KDM2A: variants seen among roughly 807,000 people sequenced by gnomAD.
The protein encoded by KDM2A is lysine-specific demethylase 2A.
In KDM2A, 3 loss-of-function variants were observed where a neutral mutation model predicts 137.3. That is an observed-to-expected ratio of 0.02 (90% CI 0.01 to 0.06). The LOEUF is 0.06. Ranked by LOEUF, KDM2A falls within the 10% of genes least tolerant of loss-of-function variation. The pLI is 1.00. For synonymous variants in KDM2A, 512 were observed against 541.5 expected, an observed-to-expected ratio of 0.95 and a Z score of 0.76; for missense variants, 738 against 1,510.6, an observed-to-expected ratio of 0.49 and a Z score of 8.48.
At chr11:67,190,564 A>G (rs1857327376) in intron 5 of KDM2A, among the ~76,000 whole-genome samples, 1 of 152,008 alleles carries the variant, frequency 6.6e-6, no homozygotes, top group South Asian at 2.1e-4. Context: ...GTTTGAGACC[A>G]TCCTGGGCAA....
At chr11:67,252,913 A>G in intron 18 of KDM2A, 56 bp downstream of exon 18, 1 of 1,546,588 alleles carries the variant, frequency 6.5e-7, no homozygotes, top group Non-Finnish European at 8.7e-7. Flanking sequence ...GCGGGCAAGA[A>G]AAGTTGCATT....
chr11:67,242,087 A>T (rs1048874644), intron 12 of KDM2A, among the ~76,000 whole-genome samples: 1 of 152,032 alleles, frequency 6.6e-6, no homozygotes, highest in Non-Finnish European at 1.5e-5. Context: ...AATAAAAATT[A>T]AAAAAAATAT....
chr11:67,217,501 T>C, intron 8 of KDM2A: 1 of 535,808 alleles, frequency 1.9e-6, no homozygotes, highest in Non-Finnish European at 3.4e-6. Context: ...CTGGATGGTG[T>C]ATAGTCAAAC....
chr11:67,167,974 C>G (rs533685613), intron 2 of KDM2A, among the ~76,000 whole-genome samples: 11 of 152,170 alleles, frequency 7.2e-5, no homozygotes, highest in African/African-American at 2.6e-4. Context: ...TTATATAGAT[C>G]AAAAGATAAA....
At chr11:67,237,733 A>C (rs1287054356) in intron 12 of KDM2A, among the ~76,000 whole-genome samples, 1 of 152,152 alleles carries the variant, frequency 6.6e-6, no homozygotes, top group East Asian at 1.9e-4. Flanking sequence ...GGATCACTTA[A>C]GGCCAGGAGT....
At chr11:67,157,208 G>T (rs2136312949) in intron 2 of KDM2A, among the ~76,000 whole-genome samples, 1 of 150,992 alleles carries the variant, frequency 6.6e-6, no homozygotes, top group Non-Finnish European at 1.5e-5. Flanking sequence ...AGCTACTCAG[G>T]AGGCTGAGGC....
intron 11 of KDM2A, among the ~76,000 whole-genome samples, chr11:67,229,535 T>C (rs776327687): frequency 5.3e-5 from 8 of 152,204 alleles, no homozygotes; most frequent in Non-Finnish European, 1.0e-4. Flanking sequence ...AGCATTTTAC[T>C]TTTACTGCAT....
Position 67,255,317 on chromosome 11 carries a change from G to A in KDM2A, c.*262G>A, listed in dbSNP as rs1590836212. On this transcript the variant is annotated 3_prime_UTR_variant, in exon 21 of 21. Coordinates refer to ENST00000529006, the MANE Select transcript of KDM2A (RefSeq NM_012308.3). ...CACAGGCTGTGCTGTCGAGGCGCCT[G>A]CTCGCTTACTCGCCTGCCAGGAGGC... 5.8e-6 allele frequency: 3 copies of A among 516,438 alleles called. No homozygotes were observed. The highest frequency in any genetic ancestry group is 1.9e-5 in the African/African-American group (1 of 52,086). 32.0% of individuals were successfully genotyped at this position (516,438 alleles called of 1,614,324 possible).
At chr11:67,242,166 C>T (rs543606155) in intron 12 of KDM2A, among the ~76,000 whole-genome samples, 4 of 152,222 alleles carry the variant, frequency 2.6e-5, no homozygotes, top group Non-Finnish European at 4.4e-5. Flanking sequence ...TAGCATTGTT[C>T]GTAAGTCATT....
intron 2 of KDM2A, among the ~76,000 whole-genome samples, chr11:67,137,943 A>G (rs1856004433): frequency 6.6e-6 from 1 of 152,090 alleles, no homozygotes; most frequent in Non-Finnish European, 1.5e-5. Context: ...GACTGCAGGC[A>G]TGTACCACCA....
intron 6 of KDM2A, among the ~76,000 whole-genome samples, chr11:67,211,518 G>C (rs1857981796): frequency 6.7e-6 from 1 of 148,552 alleles, no homozygotes; most frequent in South Asian, 2.2e-4. Flanking sequence ...GGAAGTTGAG[G>C]TGGGAGAATC....
intron 5 of KDM2A, among the ~76,000 whole-genome samples, chr11:67,204,906 G>A (rs189094372): frequency 7.9e-5 from 12 of 152,212 alleles, no homozygotes; most frequent in Admixed American, 2.6e-4. Context: ...TTCATATCAT[G>A]GTAAACATTT....
intron 15 of KDM2A, among the ~76,000 whole-genome samples, chr11:67,247,060 TATATA>T (rs1164772750): frequency 4.3e-4 from 14 of 32,936 alleles, no homozygotes; most frequent in African/African-American, 1.5e-3. Flanking sequence ...TATATATATA[TATATA>T]TATATATTTT....
chr11:67,121,219 A>G lies in KDM2A; in HGVS notation c.-83-15A>G, dbSNP rs557030536. ...AGAATGAGTTCTCATTTCTGCTTAT[A>G]TCATTATTCTTTAGTGTTGCAATCT... On this transcript the variant is annotated splice_polypyrimidine_tract_variant and intron_variant, in intron 1 of 20. Coordinates refer to ENST00000529006, the MANE Select transcript of KDM2A (RefSeq NM_012308.3). 4.8e-6 allele frequency: 4 copies of G among 839,090 alleles called. No homozygotes were observed. Among genetic ancestry groups the G allele is most frequent in the South Asian group, 4.4e-5 (3 of 68,460 alleles). 52.0% of individuals were successfully genotyped at this position (839,090 alleles called of 1,614,324 possible).
At chr11:67,178,267 GTGGTGGTGTGCAC>G (rs1283864794) in intron 2 of KDM2A, among the ~76,000 whole-genome samples, 1 of 152,112 alleles carries the variant, frequency 6.6e-6, no homozygotes, top group African/African-American at 2.4e-5. Context: ...TCAGCTGGGT[GTGGTGGTGTGCAC>G]TGGTGGTGTC....
chr11:67,167,744 A>G (rs1295844509), intron 2 of KDM2A, among the ~76,000 whole-genome samples: 1 of 152,136 alleles, frequency 6.6e-6, no homozygotes, highest in African/African-American at 2.4e-5. Flanking sequence ...TTTTTCATGT[A>G]TGGAAACTGT....
intron 2 of KDM2A, among the ~76,000 whole-genome samples, chr11:67,142,097 G>A (rs1317130900): frequency 4.0e-5 from 6 of 151,822 alleles, no homozygotes; most frequent in African/African-American, 1.5e-4. Flanking sequence ...GGAGTGCAGT[G>A]GCACGATCTC....
intron 12 of KDM2A, chr11:67,239,982 C>A: frequency 8.7e-7 from 1 of 1,155,390 alleles, no homozygotes; most frequent in Non-Finnish European, 1.1e-6. Flanking sequence ...GGCTCTGCAG[C>A]AGAACGGCTG....
chr11:67,199,997 C>T (rs550793051), intron 5 of KDM2A, among the ~76,000 whole-genome samples: 3 of 152,230 alleles, frequency 2.0e-5, no homozygotes, highest in East Asian at 1.9e-4. Flanking sequence ...AATCCTAGGG[C>T]CCTTAAGAAT....
Sources: gnomAD v4.1 joint callset for allele counts (sites outside exome capture counted in the v4.1 genomes callset) on GRCh38, gnomAD v4.1.1 for gene constraint, MANE v1.5 for transcripts, NCBI Gene and HGNC (gene_info 2026-07-23, HGNC 2026-07-21) for gene names.